Variants in COLEC10 observed in about 807,000 individuals in gnomAD.
The protein encoded by COLEC10 is collectin subfamily member 10, also known as collectin-10.
Under a neutral mutation model 28.4 loss-of-function variants are expected in COLEC10, and 22 were observed. The ratio of observed to expected loss-of-function variants is 0.78; its 90% confidence interval spans 0.55 to 1.11. The LOEUF (loss-of-function observed/expected upper bound fraction) is 1.11, where lower values mean the gene tolerates loss of function less well. COLEC10 is among the 50% of genes least tolerant of loss of function. COLEC10 has a pLI of 0.00. For missense variants in COLEC10, 361 were observed against 344.1 expected (o/e 1.05, Z -0.39); for synonymous variants, 125 against 116.1 (o/e 1.08, Z -0.49).
At chr8:119,096,636 T>C (rs1815724318) in intron 3 of COLEC10, among the ~76,000 whole-genome samples, 1 of 151,998 alleles carries the variant, frequency 6.6e-6, no homozygotes, top group Non-Finnish European at 1.5e-5. Flanking sequence ...CATTAAAAGA[T>C]ACTTCTCAGA....
At chr8:118,983,183 C>T in the COLEC10 span, among the ~76,000 whole-genome samples, 47 of 152,144 alleles carry the variant, frequency 3.1e-4, no homozygotes, top group Admixed American at 1.0e-3. Context: ...TCCTAATGAG[C>T]TTTTCCTTTG....
intron 1 of COLEC10, among the ~76,000 whole-genome samples, chr8:119,085,239 A>C (rs1410505689): frequency 6.6e-6 from 1 of 152,184 alleles, no homozygotes; most frequent in Non-Finnish European, 1.5e-5. Context: ...GGGTAGGTGA[A>C]GGCACCAAGG....
the COLEC10 span, among the ~76,000 whole-genome samples, chr8:118,973,360 G>C: frequency 6.6e-6 from 1 of 151,914 alleles, no homozygotes; most frequent in East Asian, 1.9e-4. Flanking sequence ...GCGACCTGGG[G>C]CTAAGGTTTT....
At chr8:119,006,570 A>G (rs956189501) in intron 1 of COLEC10, among the ~76,000 whole-genome samples, 2 of 152,064 alleles carry the variant, frequency 1.3e-5, no homozygotes, top group Non-Finnish European at 1.5e-5. Context: ...TATGGTCCCA[A>G]TAGCTGTTGG....
chr8:118,976,529 C>A, the COLEC10 span: 2 of 152,378 alleles, frequency 1.3e-5, no homozygotes, highest in African/African-American at 4.8e-5. Flanking sequence ...GCTTCGGCAG[C>A]ACATATACTA....
the COLEC10 span, among the ~76,000 whole-genome samples, chr8:118,957,282 T>C: frequency 1.3e-5 from 2 of 152,228 alleles, no homozygotes; most frequent in Non-Finnish European, 2.9e-5. Context: ...CAACTAAACC[T>C]AGAAATAAAC....
intron 1 of COLEC10, among the ~76,000 whole-genome samples, chr8:118,997,420 A>G (rs1314577596): frequency 6.6e-6 from 1 of 152,238 alleles, no homozygotes; most frequent in East Asian, 1.9e-4. Context: ...GTGTTTTTTC[A>G]TAGAAGTTCT....
rs554649434 is a variant in COLEC10 at position 119,075,211 on chromosome 8, T to C, written c.148+7782T>C. On this transcript the variant is annotated intron_variant, in intron 1 of 5. Coordinates refer to ENST00000332843, the MANE Select transcript of COLEC10 (RefSeq NM_006438.5). ...CTCTTTCTCTCTTACGTCTCTTGCT[T>C]ATATTTATAAAATTCTACTTGTAGA... 3.3e-4 allele frequency among the ~76,000 whole-genome samples: 50 copies of C among 152,322 alleles called. No homozygotes were observed. The South Asian group carries it at 0.01, about 32-fold the overall frequency.
chr8:119,105,557 T>G (rs1815919875), intron 5 of COLEC10, among the ~76,000 whole-genome samples: 1 of 152,030 alleles, frequency 6.6e-6, no homozygotes, highest in Non-Finnish European at 1.5e-5. Context: ...TTTGTCAACT[T>G]TGTGCTGGCC....
the COLEC10 span, among the ~76,000 whole-genome samples, chr8:118,959,900 T>G: frequency 6.6e-6 from 1 of 152,190 alleles, no homozygotes. Flanking sequence ...TTTAAAAAGC[T>G]TCAGTAAAGA....
the COLEC10 span, among the ~76,000 whole-genome samples, chr8:118,969,694 T>TTTC: frequency 7.4e-6 from 1 of 134,410 alleles, no homozygotes; most frequent in African/African-American, 2.9e-5. Flanking sequence ...TCTTTCTTTC[T>TTTC]TTTTTTTTTT....
chr8:118,963,667 G>A, the COLEC10 span, among the ~76,000 whole-genome samples: 145 of 152,278 alleles, frequency 9.5e-4, 3 homozygotes, highest in Non-Finnish European at 1.2e-3. Flanking sequence ...AAACAACAGA[G>A]CATGCTTGAA....
chr8:119,066,568 T>A (rs1304368288), upstream of COLEC10, among the ~76,000 whole-genome samples: 1 of 152,236 alleles, frequency 6.6e-6, no homozygotes, highest in Non-Finnish European at 1.5e-5. Context: ...GCCTTTCGCC[T>A]TTCTGCCACA....
intron 3 of COLEC10, among the ~76,000 whole-genome samples, chr8:119,093,109 A>G (rs866031323): frequency 2.0e-5 from 3 of 152,160 alleles, no homozygotes; most frequent in African/African-American, 4.8e-5. Context: ...TCCCATGGGT[A>G]ATATAATTTC....
the COLEC10 span, among the ~76,000 whole-genome samples, chr8:118,954,047 G>A: frequency 1.3e-5 from 2 of 152,204 alleles, no homozygotes; most frequent in African/African-American, 4.8e-5. Flanking sequence ...ACGTTTGTAT[G>A]AGCACAAGGC....
the COLEC10 span, among the ~76,000 whole-genome samples, chr8:118,962,173 A>G: frequency 6.6e-6 from 1 of 152,208 alleles, no homozygotes; most frequent in Non-Finnish European, 1.5e-5. Context: ...TTGAAGTCCA[A>G]CTGAGAAGAA....
At chr8:118,990,918 G>A (rs1813495338), upstream of COLEC10, among the ~76,000 whole-genome samples, 1 of 151,626 alleles carries the variant, frequency 6.6e-6, no homozygotes, top group African/African-American at 2.4e-5. Context: ...AAAAAGTTTG[G>A]AAATGCTGTC....
the COLEC10 span, among the ~76,000 whole-genome samples, chr8:118,970,979 C>A: frequency 6.6e-6 from 1 of 151,922 alleles, no homozygotes; most frequent in Non-Finnish European, 1.5e-5. Flanking sequence ...AAAGATCAAG[C>A]CAGGTTAGGA....
chr8:118,960,621 A>G, the COLEC10 span, among the ~76,000 whole-genome samples: 1 of 151,848 alleles, frequency 6.6e-6, no homozygotes, highest in Non-Finnish European at 1.5e-5. Context: ...CGTCTCTACT[A>G]AAAATACAAA....
Sources: gnomAD v4.1 joint callset for allele counts (sites outside exome capture counted in the v4.1 genomes callset) on GRCh38, gnomAD v4.1.1 for gene constraint, MANE v1.5 for transcripts, NCBI Gene and HGNC (gene_info 2026-07-23, HGNC 2026-07-21) for gene names.